The following MAML2 variants were observed in gnomAD, a reference collection of about 807,000 sequenced individuals.
MAML2 encodes the protein mastermind-like protein 2.
Under a neutral mutation model 96.1 loss-of-function variants are expected in MAML2, and 22 were observed. The ratio of observed to expected loss-of-function variants is 0.23; its 90% CI spans 0.16 to 0.33. The LOEUF (loss-of-function observed/expected upper bound fraction) is 0.33, where lower values mean the gene tolerates loss of function less well. MAML2 is among the 10% of genes least tolerant of loss of function. MAML2 has a pLI of 1.00. For synonymous variants in MAML2, 561 were observed against 521.3 expected (o/e 1.08, Z -1.04); for missense variants, 1,367 against 1,392.4 (o/e 0.98, Z 0.29).
At chr11:96,252,182 C>A (rs1455536828) in intron 1 of MAML2, among the ~76,000 whole-genome samples, 3 of 151,996 alleles carry the variant, frequency 2.0e-5, no homozygotes, top group African/African-American at 7.3e-5. Context: ...TCTACACACA[C>A]ACACACACAC....
chr11:96,103,064 AG>A (rs1859960696), intron 1 of MAML2, among the ~76,000 whole-genome samples: 1 of 152,190 alleles, frequency 6.6e-6, no homozygotes, highest in Admixed American at 6.5e-5. Flanking sequence ...CTTTCTCTAA[AG>A]GGCATACCTC....
chr11:96,295,581 C>T (rs1863283417), intron 1 of MAML2, among the ~76,000 whole-genome samples: 1 of 152,056 alleles, frequency 6.6e-6, no homozygotes, highest in Non-Finnish European at 1.5e-5. Context: ...CCTGGAGGCA[C>T]AATAGTAATT....
chr11:96,326,955 G>A (rs1050087597), intron 1 of MAML2, among the ~76,000 whole-genome samples: 5 of 152,038 alleles, frequency 3.3e-5, no homozygotes, highest in Admixed American at 2.0e-4. Context: ...TACATTGAAC[G>A]GAATATAGGA....
At chr11:96,011,733 A>C (rs551160522) in intron 2 of MAML2, among the ~76,000 whole-genome samples, 9 of 152,228 alleles carry the variant, frequency 5.9e-5, no homozygotes, top group Non-Finnish European at 1.2e-4. Flanking sequence ...AGCAAACAAA[A>C]AAATGGTTAT....
intron 1 of MAML2, among the ~76,000 whole-genome samples, chr11:96,162,567 C>T (rs946777051): frequency 2.0e-5 from 3 of 151,710 alleles, no homozygotes; most frequent in African/African-American, 4.8e-5. Context: ...CGAAATTAGC[C>T]GGGCATGGTG....
intron 2 of MAML2, among the ~76,000 whole-genome samples, chr11:96,023,247 C>T (rs781516870): frequency 7.9e-5 from 12 of 152,144 alleles, no homozygotes; most frequent in Non-Finnish European, 1.8e-4. Flanking sequence ...TTTGCAGTCG[C>T]GATGGGCAGA....
chr11:96,017,314 G>A (rs935370753), intron 2 of MAML2, among the ~76,000 whole-genome samples: 3 of 152,104 alleles, frequency 2.0e-5, no homozygotes, highest in African/African-American at 7.2e-5. Context: ...GCAGGTAACT[G>A]AAGTCTTAAA....
At chr11:96,280,297 T>A (rs1022545061) in intron 1 of MAML2, among the ~76,000 whole-genome samples, 1 of 152,230 alleles carries the variant, frequency 6.6e-6, no homozygotes, top group Non-Finnish European at 1.5e-5. Context: ...TAAAATTATT[T>A]ACTCATTTTT....
At chr11:96,191,379 G>T (rs1369303892) in intron 1 of MAML2, among the ~76,000 whole-genome samples, 1 of 151,776 alleles carries the variant, frequency 6.6e-6, no homozygotes, top group Non-Finnish European at 1.5e-5. Flanking sequence ...CAGAAGAATC[G>T]CTTGAACTCG....
In MAML2 at chr11:96,342,109, G is replaced by A. The variant is rs982460487; in HGVS notation, c.-214C>T. On this transcript the variant is annotated 5_prime_UTR_variant, in exon 1 of 5. Transcript: ENST00000524717. ...GGGAGAAAGAATAGAAACCAACTGG[G>A]GGGAGGATAAGTTGGAAACAAACCC... is the stretch of plus-strand genomic sequence containing the variant. 14 of 553,148 alleles carry A rather than the reference G, an allele frequency of 2.5e-5. No individual in the cohort carries two copies. The highest frequency in any genetic ancestry group is 4.5e-5 in the Non-Finnish European group (14 of 313,488). The allele number at this position is 553,148 out of a possible 1,614,324, so 34.3% of individuals were successfully genotyped here. A position where few individuals can be genotyped will look rare whatever the true frequency, so the allele number is the denominator to read the frequency against.
At chr11:96,172,268 C>G (rs116015462) in intron 1 of MAML2, among the ~76,000 whole-genome samples, 1 of 152,220 alleles carries the variant, frequency 6.6e-6, no homozygotes, top group East Asian at 1.9e-4. Flanking sequence ...TAACCCTCAA[C>G]AAGGTAGCTT....
At chr11:96,003,343 T>C (rs1858127750) in intron 2 of MAML2, among the ~76,000 whole-genome samples, 1 of 152,186 alleles carries the variant, frequency 6.6e-6, no homozygotes, top group Non-Finnish European at 1.5e-5. Context: ...GCCTGCATTT[T>C]TTATCTTAAT....
chr11:96,083,945 C>A (rs144785965), intron 2 of MAML2, among the ~76,000 whole-genome samples: 6 of 152,246 alleles, frequency 3.9e-5, no homozygotes, highest in African/African-American at 7.2e-5. Context: ...GGGAAACCTT[C>A]TGGGGGAAAT....
intron 2 of MAML2, among the ~76,000 whole-genome samples, chr11:96,069,360 AT>A (rs1335669591): frequency 6.7e-6 from 1 of 149,820 alleles, no homozygotes; most frequent in Non-Finnish European, 1.5e-5. Flanking sequence ...TATTTGAAGC[AT>A]TTCTATTTTT....
intron 1 of MAML2, among the ~76,000 whole-genome samples, chr11:96,185,253 A>G (rs1465258698): frequency 6.6e-6 from 1 of 151,610 alleles, no homozygotes; most frequent in African/African-American, 2.4e-5. Flanking sequence ...GTCAGAAATA[A>G]CAGGACTTTG....
chr11:96,006,825 G>T (rs1022173604), intron 2 of MAML2, among the ~76,000 whole-genome samples: 1 of 150,682 alleles, frequency 6.6e-6, no homozygotes, highest in Non-Finnish European at 1.5e-5. Flanking sequence ...CTCCCAAAGC[G>T]CTGAGATTAC....
intron 1 of MAML2, among the ~76,000 whole-genome samples, chr11:96,312,819 T>C (rs1251080937): frequency 1.3e-5 from 2 of 152,220 alleles, no homozygotes; most frequent in Non-Finnish European, 2.9e-5. Context: ...ATAGCTTTAG[T>C]TTCTTATCAG....
chr11:96,121,432 A>T (rs1250207411), intron 1 of MAML2, among the ~76,000 whole-genome samples: 1 of 152,222 alleles, frequency 6.6e-6, no homozygotes, highest in Non-Finnish European at 1.5e-5. Flanking sequence ...GGATTTGTCC[A>T]GTGGATATTA....
intron 2 of MAML2, among the ~76,000 whole-genome samples, chr11:96,074,214 A>T (rs75867724): frequency 6.6e-6 from 1 of 152,372 alleles, no homozygotes; most frequent in African/African-American, 2.4e-5. Flanking sequence ...AAACTGAGGC[A>T]GAGTGGCTAA....
Sources: allele counts gnomAD v4.1 joint callset (sites outside exome capture counted in the v4.1 genomes callset), GRCh38; gene constraint gnomAD v4.1.1; transcripts MANE v1.5; gene names NCBI Gene and HGNC (gene_info 2026-07-23, HGNC 2026-07-21).